The following CBLC variants were observed in gnomAD, a reference collection of about 807,000 sequenced individuals.
The protein encoded by CBLC is E3 ubiquitin-protein ligase CBL-C.
Under a neutral mutation model 58.6 loss-of-function variants are expected in CBLC, and 46 were observed. The ratio of observed to expected loss-of-function variants is 0.79; its 90% CI spans 0.62 to 1.00. The LOEUF (loss-of-function observed/expected upper bound fraction) is 1.00, where lower values mean the gene tolerates loss of function less well. CBLC is among the 50% of genes least tolerant of loss of function. The probability of loss-of-function intolerance (pLI) is 0.00; values close to 1 mark genes in which losing one functional copy is unlikely to be tolerated. For synonymous variants in CBLC, 271 were observed against 264.2 expected, an observed-to-expected ratio of 1.03 and a Z score of -0.25; for missense variants, 655 against 625.8, an observed-to-expected ratio of 1.05 and a Z score of -0.50.
At chr19:44,782,293 C>A in intron 3 of CBLC, 77 bp from the exon 4 acceptor site, 1 of 1,584,904 alleles carries the variant, frequency 6.3e-7, no homozygotes, top group Non-Finnish European at 8.6e-7. Context: ...TGGTTGGATC[C>A]TCGAGCCCTA....
At chr19:44,782,651 T>C (rs1433158458) in intron 4 of CBLC, among the ~76,000 whole-genome samples, 160 bp downstream of exon 4, 2 of 151,946 alleles carry the variant, frequency 1.3e-5, no homozygotes, top group Admixed American at 6.6e-5. Flanking sequence ...TGAGTGCCCC[T>C]CCCAGCCCGC....
Position 44,784,294 on chromosome 19 carries a change from G to A in CBLC, c.810G>A (p.Leu270=), listed in dbSNP as rs766725255. The A allele has an allele frequency of 3.8e-6, 6 of 1,591,426 alleles. No homozygotes were observed. The Admixed American group carries it at 8.4e-5, about 22-fold the overall frequency. ...SYIFRPSCTR[L]GQWAIGYVSS... Reference sequence around the variant, plus strand: ...TCTTCCGGCCCAGCTGTACTCGCCTGGGGCAGTGGGCCATCGGCTATGTGA... The same window carrying A: ...TCTTCCGGCCCAGCTGTACTCGCCTAGGGCAGTGGGCCATCGGCTATGTGA... The change falls in exon 5 of 11, where the codon CTG becomes CTA. Residue 270 remains leucine, a synonymous_variant. Transcript: ENST00000647358.
rs1316693211 is a variant in CBLC at position 44,792,395 on chromosome 19, C to T, written c.1018C>T (p.Leu340Phe). The T allele has an allele frequency of 1.2e-6, 2 of 1,613,502 alleles. No homozygotes were observed. The highest frequency in any genetic ancestry group is 1.7e-6 in the Non-Finnish European group (2 of 1,179,924). ...RIHVSEEQLQ[L>F]YWAMDSTFEL... Reference sequence around the variant, plus strand: ...TCTCACCTGCCAGGAGCAGCTGCAGCTCTACTGGGCCATGGACTCCACATT... The same window carrying T: ...TCTCACCTGCCAGGAGCAGCTGCAGTTCTACTGGGCCATGGACTCCACATT... The change falls in exon 7 of 11, where the codon CTC (leucine) becomes TTC (phenylalanine). Residue 340 changes from leucine to phenylalanine, a missense_variant. Leu to Phe is a conservative substitution (Grantham distance 22). Around this residue, in one of 3 missense-constraint regions of CBLC, gnomAD observed 371 missense variants for 370.8 expected, o/e 1.00. Transcript: ENST00000647358.
Position 44,780,923 on chromosome 19 carries a change from G to A in CBLC, c.372G>A (p.Leu124=). The A allele has an allele frequency of 1.2e-6, 2 of 1,612,868 alleles. No homozygotes were observed. Among genetic ancestry groups the A allele is most frequent in the Non-Finnish European group, 1.7e-6 (2 of 1,179,998 alleles). The change falls in exon 2 of 11, where the codon CTG becomes CTA. Residue 124 remains leucine, a synonymous_variant. Coordinates refer to ENST00000647358, the MANE Select transcript of CBLC (RefSeq NM_012116.4). ...GSRLRRQLAK[L]AIIFSHMHAE... ...CCCACAGGCGACAGCTGGCCAAGCT[G>A]GCCATCATCTTCAGCCACATGCACG...
At chr19:44,795,575 G>C (rs1968161148) in intron 9 of CBLC, among the ~76,000 whole-genome samples, 1 of 151,868 alleles carries the variant, frequency 6.6e-6, no homozygotes, top group Admixed American at 6.6e-5. Context: ...GAGGCAGGAG[G>C]AAAGCTTGAG....
At chr19:44,794,109 C>A in intron 8 of CBLC, 95 bp from the exon 9 acceptor site, 1 of 1,527,860 alleles carries the variant, frequency 6.5e-7, no homozygotes, top group Non-Finnish European at 8.8e-7. Context: ...GAGTCTAGAA[C>A]AGTGCCTGAA....
At position 44,792,368 on chromosome 19, in the gene CBLC, C is replaced by T; in HGVS notation, c.1006-15C>T. 1 of 1,612,834 alleles carries T rather than the reference C, an allele frequency of 6.2e-7. No homozygotes were observed. Among genetic ancestry groups the T allele is most frequent in the Non-Finnish European group, 8.5e-7 (1 of 1,179,808 alleles). ...GCATGCCCCTCGCTGTCTTCTCTAT[C>T]CTCTCACCTGCCAGGAGCAGCTGCA... On this transcript the variant is annotated splice_polypyrimidine_tract_variant and intron_variant, in intron 6 of 10. Transcript: ENST00000647358.
chr19:44,790,614 T>C (rs1231507691), intron 6 of CBLC, among the ~76,000 whole-genome samples: 1 of 151,874 alleles, frequency 6.6e-6, no homozygotes. Flanking sequence ...TTTGTATTTC[T>C]CTGTAGAGAT....
chr19:44,784,210 A>C, intron 4 of CBLC, 54 bp from the exon 5 acceptor site: 3 of 1,483,118 alleles, frequency 2.0e-6, no homozygotes, highest in Non-Finnish European at 2.7e-6. Flanking sequence ...GAAGTTCACA[A>C]AAGGGATGGC....
At chr19:44,791,470 C>T (rs146095472) in intron 6 of CBLC, among the ~76,000 whole-genome samples, 24 of 151,912 alleles carry the variant, frequency 1.6e-4, no homozygotes, top group African/African-American at 3.6e-4. Context: ...AGGTGGCTCA[C>T]GCCTGTAATT....
chr19:44,798,542 C>T (rs1292351657), intron 9 of CBLC, among the ~76,000 whole-genome samples: 1 of 152,002 alleles, frequency 6.6e-6, no homozygotes, highest in African/African-American at 2.4e-5. Flanking sequence ...GGTGAAACCC[C>T]GTCTCTACTA....
chr19:44,781,731 T>C (rs1189609879), intron 3 of CBLC, among the ~76,000 whole-genome samples: 32 of 96,696 alleles, frequency 3.3e-4, no homozygotes, highest in African/African-American at 1.4e-3. Context: ...GACTCCTGGG[T>C]CTGAGGGAGG....
intron 6 of CBLC, among the ~76,000 whole-genome samples, chr19:44,790,434 TTTTA>T (rs1485711000): frequency 1.3e-5 from 2 of 152,032 alleles, no homozygotes; most frequent in Non-Finnish European, 2.9e-5. Context: ...ATAATTTATT[TTTTA>T]TTTATTTTTA....
chr19:44,787,765 C>T (rs980158986), intron 5 of CBLC, among the ~76,000 whole-genome samples: 13 of 149,310 alleles, frequency 8.7e-5, no homozygotes, highest in Admixed American at 1.3e-4. Flanking sequence ...TGCAGTGAGC[C>T]GAGATCACGC....
Position 44,800,548 on chromosome 19 carries a change from C to T in CBLC, c.*8-3C>T, listed in dbSNP as rs2122525050. On this transcript the variant is annotated splice_region_variant and splice_polypyrimidine_tract_variant and intron_variant, in intron 10 of 10. Coordinates refer to ENST00000647358, the MANE Select transcript of CBLC (RefSeq NM_012116.4). ...TCTAACCCACCCCTCTCTCCGCCTA[C>T]AGGGCACCCAGATGTGCTGCTCAAG... The T allele has an allele frequency of 1.4e-6, 1 of 710,898 alleles. No homozygotes were observed. Among genetic ancestry groups the T allele is most frequent in the Non-Finnish European group, 2.4e-6 (1 of 416,098 alleles). The allele number at this position is 710,898 out of a possible 1,614,324, so 44.0% of individuals were successfully genotyped here.
chr19:44,779,517 A>ATGCCAC (rs1967665170), intron 1 of CBLC, among the ~76,000 whole-genome samples: 1 of 150,982 alleles, frequency 6.6e-6, no homozygotes, highest in Admixed American at 6.6e-5. Flanking sequence ...TCAGGGACCC[A>ATGCCAC]TGCCACTTCT....
chr19:44,782,902 C>T (rs934333813), intron 4 of CBLC, among the ~76,000 whole-genome samples: 2 of 152,176 alleles, frequency 1.3e-5, no homozygotes, highest in Non-Finnish European at 2.9e-5. Context: ...GCTGTTGGGT[C>T]CCCCTAGAGG....
At chr19:44,787,160 G>A (rs994423366) in intron 5 of CBLC, among the ~76,000 whole-genome samples, 11 of 152,284 alleles carry the variant, frequency 7.2e-5, no homozygotes, top group African/African-American at 2.4e-4. Flanking sequence ...TTAAGAGGCT[G>A]AGGTGGGTGG....
intron 7 of CBLC, among the ~76,000 whole-genome samples, chr19:44,793,049 G>A (rs1302024759): frequency 6.6e-6 from 1 of 152,180 alleles, no homozygotes; most frequent in African/African-American, 2.4e-5. Context: ...CTGCTCGGGA[G>A]GCTGAGGCAT....
Sources: allele counts gnomAD v4.1 joint callset (sites outside exome capture counted in the v4.1 genomes callset), GRCh38; gene constraint gnomAD v4.1.1; regional missense constraint gnomAD v4.1.1; transcripts MANE v1.5; gene names NCBI Gene and HGNC (gene_info 2026-07-23, HGNC 2026-07-21).